XRCC4: variants seen among roughly 807,000 people sequenced by gnomAD.
XRCC4 encodes X-ray repair cross complementing 4, also known as DNA repair protein XRCC4.
XRCC4 carries 28 observed loss-of-function variants against 39.1 expected under a neutral mutation model. The ratio of observed to expected loss-of-function variants is 0.72; its 90% confidence interval spans 0.53 to 0.98. XRCC4 has a LOEUF of 0.98. Ranked by LOEUF, XRCC4 falls within the 50% of genes least tolerant of loss-of-function variation. XRCC4 has a pLI of 0.00. For missense variants in XRCC4, 350 were observed against 376.4 expected, an observed-to-expected ratio of 0.93 and a Z score of 0.58; for synonymous variants, 123 against 126.4, an observed-to-expected ratio of 0.97 and a Z score of 0.18.
chr5:83,142,528 TGA>T (rs1748231428), intron 3 of XRCC4, among the ~76,000 whole-genome samples: 2 of 152,242 alleles, frequency 1.3e-5, no homozygotes, highest in African/African-American at 4.8e-5. Context: ...GTGACATTCT[TGA>T]TATTCCAGGT....
intron 7 of XRCC4, among the ~76,000 whole-genome samples, chr5:83,311,671 G>A (rs116019434): frequency 0.014 from 2,191 of 152,082 alleles, 16 homozygotes; most frequent in Middle Eastern, 0.024. Flanking sequence ...TTTTGGTAGA[G>A]TTTCTCATGG....
chr5:83,147,365 T>C (rs1319415152), intron 3 of XRCC4, among the ~76,000 whole-genome samples: 2 of 152,168 alleles, frequency 1.3e-5, no homozygotes, highest in Non-Finnish European at 2.9e-5. Flanking sequence ...TAGTATACTA[T>C]TCAGCCTTAA....
chr5:83,091,413 C>T (rs1472797307), intron 1 of XRCC4, among the ~76,000 whole-genome samples: 4 of 152,138 alleles, frequency 2.6e-5, no homozygotes, highest in Admixed American at 2.6e-4. Context: ...GGGAAGTCGT[C>T]CCTGTGATCC....
intron 6 of XRCC4, among the ~76,000 whole-genome samples, chr5:83,208,217 G>T (rs1751493215): frequency 6.6e-6 from 1 of 151,972 alleles, no homozygotes; most frequent in East Asian, 1.9e-4. Flanking sequence ...ATCTGAATCT[G>T]AGTATGGTAA....
intron 7 of XRCC4, among the ~76,000 whole-genome samples, chr5:83,298,097 C>T (rs1478254469): frequency 6.6e-6 from 1 of 151,634 alleles, no homozygotes; most frequent in Admixed American, 6.6e-5. Context: ...GAGATTGAAG[C>T]TTAGAGAGGT....
At chr5:83,258,460 C>A in intron 6 of XRCC4, 70 bp from the exon 7 acceptor site, 1 of 1,529,226 alleles carries the variant, frequency 6.5e-7, no homozygotes, top group Non-Finnish European at 8.9e-7. Flanking sequence ...AATGCTAAAA[C>A]AGCAAGTTAA....
At chr5:83,113,739 G>T (rs1004846489) in intron 3 of XRCC4, among the ~76,000 whole-genome samples, 3 of 151,562 alleles carry the variant, frequency 2.0e-5, no homozygotes, top group Non-Finnish European at 2.9e-5. Flanking sequence ...CCATTCTCCT[G>T]CCTCAGCCTC....
At chr5:83,130,080 T>G (rs1420987008) in intron 3 of XRCC4, among the ~76,000 whole-genome samples, 5 of 152,204 alleles carry the variant, frequency 3.3e-5, no homozygotes, top group African/African-American at 9.6e-5. Flanking sequence ...TTTTTGCCCA[T>G]TCAGTATGAT....
intron 6 of XRCC4, among the ~76,000 whole-genome samples, chr5:83,252,882 A>G (rs1325422567): frequency 2.0e-5 from 3 of 152,232 alleles, no homozygotes; most frequent in African/African-American, 4.8e-5. Context: ...GTATAAAATT[A>G]CCGAGTAATA....
chr5:83,292,065 C>T (rs1754941065), intron 7 of XRCC4, among the ~76,000 whole-genome samples: 1 of 150,862 alleles, frequency 6.6e-6, no homozygotes, highest in African/African-American at 2.4e-5. Flanking sequence ...GTAAAACCAG[C>T]AAGCTTTGTA....
chr5:83,336,219 T>C (rs924809231), intron 7 of XRCC4, among the ~76,000 whole-genome samples: 1 of 152,172 alleles, frequency 6.6e-6, no homozygotes, highest in African/African-American at 2.4e-5. Context: ...TTGGAAGTTA[T>C]GTATATTTTA....
chr5:83,086,248 A>G (rs1189764772), intron 1 of XRCC4, among the ~76,000 whole-genome samples: 2 of 152,214 alleles, frequency 1.3e-5, no homozygotes, highest in Non-Finnish European at 2.9e-5. Context: ...CTTGAACAAT[A>G]TAGGGGTTAG....
At chr5:83,334,747 CCTTT>C (rs1178752208) in intron 7 of XRCC4, among the ~76,000 whole-genome samples, 2 of 151,402 alleles carry the variant, frequency 1.3e-5, no homozygotes, top group Non-Finnish European at 2.9e-5. Flanking sequence ...TTTATTTTGT[CCTTT>C]CTATTTTTCT....
chr5:83,312,551 A>C (rs1755742519), intron 7 of XRCC4, among the ~76,000 whole-genome samples: 1 of 152,232 alleles, frequency 6.6e-6, no homozygotes. Context: ...ATACAGAAAC[A>C]GAACTGATAC....
intron 7 of XRCC4, among the ~76,000 whole-genome samples, chr5:83,308,411 T>G (rs1755564763): frequency 6.6e-6 from 1 of 152,166 alleles, no homozygotes; most frequent in Non-Finnish European, 1.5e-5. Flanking sequence ...TAATAACATA[T>G]TATAAAATTG....
At chr5:83,166,011 A>G (rs35088871) in intron 3 of XRCC4, among the ~76,000 whole-genome samples, 53,715 of 150,226 alleles carry the variant, frequency 0.36, 10,146 homozygotes, top group Middle Eastern at 0.52. Context: ...CCAGCCTCCC[A>G]AGCAGCTGGG....
intron 7 of XRCC4, among the ~76,000 whole-genome samples, chr5:83,325,642 A>G (rs1756231697): frequency 6.6e-6 from 1 of 152,078 alleles, no homozygotes; most frequent in Admixed American, 6.6e-5. Context: ...ACATGATCTC[A>G]TTCTTTTTTG....
chr5:83,178,687 A>T (rs1750072183), intron 3 of XRCC4, among the ~76,000 whole-genome samples: 1 of 152,180 alleles, frequency 6.6e-6, no homozygotes, highest in Non-Finnish European at 1.5e-5. Context: ...TTTAAAATGC[A>T]AAACATTTGA....
intron 6 of XRCC4, among the ~76,000 whole-genome samples, chr5:83,206,069 T>A (rs28360156): frequency 0.018 from 2,801 of 152,228 alleles, 78 homozygotes; most frequent in African/African-American, 0.064. Flanking sequence ...TCATCACGTG[T>A]AGGGCGATAT....
Sources: allele counts gnomAD v4.1 joint callset (sites outside exome capture counted in the v4.1 genomes callset), GRCh38; gene constraint gnomAD v4.1.1; transcripts MANE v1.5; gene names NCBI Gene and HGNC (gene_info 2026-07-23, HGNC 2026-07-21).